The following SI variants were observed in gnomAD, a reference collection of about 807,000 sequenced individuals.
SI encodes sucrase-isomaltase.
SI carries 235 observed loss-of-function variants against 253.3 expected under a neutral mutation model. That is an observed-to-expected ratio of 0.93 (90% CI 0.83 to 1.03). SI has a LOEUF of 1.03. Among genes scored for constraint, SI ranks in the 50% least tolerant of loss-of-function variants. The probability of loss-of-function intolerance (pLI) is 0.00; values close to 1 mark genes in which losing one functional copy is unlikely to be tolerated. For synonymous variants in SI, 819 were observed against 712.0 expected (o/e 1.15, Z -2.39); for missense variants, 2,442 against 2,211.1 (o/e 1.10, Z -2.09).
the SI span, among the ~76,000 whole-genome samples, chr3:165,089,470 A>C: frequency 5.6e-4 from 85 of 152,194 alleles, no homozygotes; most frequent in Non-Finnish European, 1.2e-4. Flanking sequence ...CTGGAAGTGA[A>C]TCTGCCAAAA....
intron 21 of SI, among the ~76,000 whole-genome samples, chr3:165,037,021 G>A (rs533445634): frequency 6.6e-6 from 1 of 151,622 alleles, no homozygotes; most frequent in African/African-American, 2.4e-5. Context: ...TGTATAGGAT[G>A]TATTCCTTCC....
At chr3:165,035,990 A>T (rs1712510223) in intron 22 of SI, among the ~76,000 whole-genome samples, 1 of 151,866 alleles carries the variant, frequency 6.6e-6, no homozygotes, top group African/African-American at 2.4e-5. Flanking sequence ...TTGACATTAA[A>T]TAACTAAATC....
rs532943622 is a variant in SI at position 165,067,273 on chromosome 3, G to C, written c.635+67C>G. 1.1e-4 allele frequency: 137 copies of C among 1,196,018 alleles called. 1 individual carries two copies. Among genetic ancestry groups the C allele is most frequent in the East Asian group, 2.6e-5 (1 of 38,484 alleles). The allele number at this position is 1,196,018 out of a possible 1,614,324, so 74.1% of individuals were successfully genotyped here. A position where few individuals can be genotyped will look rare whatever the true frequency, so the allele number is the denominator to read the frequency against. On this transcript the variant is annotated intron_variant, in intron 6 of 47. Coordinates refer to ENST00000264382, the MANE Select transcript of SI (RefSeq NM_001041.4). ...AATTTATTTCTACTGAAAATGTCTTGAAATTAAGACTTTCCAATTCTATAA... is the reference window on the plus strand; with the variant it reads ...AATTTATTTCTACTGAAAATGTCTTCAAATTAAGACTTTCCAATTCTATAA...
At chr3:165,071,067 T>C (rs1714544541) in intron 3 of SI, among the ~76,000 whole-genome samples, 1 of 152,122 alleles carries the variant, frequency 6.6e-6, no homozygotes, top group Admixed American at 6.6e-5. Context: ...ACGTTAGTCA[T>C]TCGACGCAAG....
chr3:165,052,791 C>A (rs1482004953), intron 13 of SI, among the ~76,000 whole-genome samples: 2 of 151,892 alleles, frequency 1.3e-5, no homozygotes, highest in African/African-American at 4.8e-5. Flanking sequence ...ATATATAGCC[C>A]TATTTTTAAA....
intron 10 of SI, 137 bp downstream of exon 10, chr3:165,059,765 C>G: frequency 1.1e-6 from 1 of 887,316 alleles, no homozygotes; most frequent in Non-Finnish European, 1.8e-6. Flanking sequence ...ATAAAATATA[C>G]TTTACAATTA....
intron 14 of SI, 84 bp downstream of exon 14, chr3:165,049,707 T>G: frequency 2.5e-6 from 2 of 799,910 alleles, no homozygotes; most frequent in South Asian, 3.0e-5. Flanking sequence ...AAATTGTAAT[T>G]TAGAAATATA....
upstream of SI, among the ~76,000 whole-genome samples, chr3:165,081,076 C>A (rs550516161): frequency 2.6e-5 from 4 of 151,584 alleles, no homozygotes; most frequent in Non-Finnish European, 1.5e-5. Context: ...CTCAATCAAT[C>A]GAATAAGGTG....
chr3:165,063,492 T>C lies in SI; in HGVS notation c.857A>G (p.Asp286Gly), dbSNP rs750299089. The C allele has an allele frequency of 6.4e-7, 1 of 1,569,398 alleles. No individual in the cohort carries two copies. The change falls in exon 8 of 48, where the codon GAT becomes GGT. Residue 286 changes from aspartate (D) to glycine (G), a missense_variant. Coordinates refer to ENST00000264382, the MANE Select transcript of SI (RefSeq NM_001041.4). ...GHQTFFMCIE[D>G]TSGKSFGVFL... ...AACACCGAATGACTTTCCAGATGTA[T>C]CTTCAATACACATAAAGAATGTTTG...
intron 33 of SI, 125 bp from the exon 34 acceptor site, chr3:165,013,167 C>A (rs923693054): frequency 6.7e-6 from 5 of 741,718 alleles, no homozygotes; most frequent in Non-Finnish European, 1.2e-5. Flanking sequence ...GATCTGCAAT[C>A]CCTTCAAATC....
At chr3:165,014,815 C>G (rs946574405) in intron 33 of SI, among the ~76,000 whole-genome samples, 17 of 151,994 alleles carry the variant, frequency 1.1e-4, no homozygotes, top group African/African-American at 4.1e-4. Context: ...AAATAACTTG[C>G]AGTACAGAAT....
intron 20 of SI, 75 bp downstream of exon 20, chr3:165,039,003 T>C (rs1156911344): frequency 1.1e-6 from 1 of 908,988 alleles, no homozygotes. Flanking sequence ...TAAGTTTCTA[T>C]GGAATTAAGT....
rs893468495 is a variant in SI, at chr3:165,039,926, C to T, written c.2205G>A (p.Leu735=). The T allele has an allele frequency of 6.2e-7, 1 of 1,613,258 alleles. No homozygotes were observed. The highest frequency in any genetic ancestry group is 8.5e-7 in the Non-Finnish European group (1 of 1,179,552). Residue 735 remains leucine, a synonymous_variant, in exon 19 of 48, where the codon TTG becomes TTA. Transcript: ENST00000264382. ...TNSWIEDTEF[L]WGPALLITPV... ...GAGTAATAAGTAATGCAGGGCCCCA[C>T]AAAAACTCAGTGTCCTCAATCCAGC...
intron 17 of SI, 132 bp from the exon 18 acceptor site, chr3:165,041,226 C>A: frequency 1.4e-6 from 1 of 736,336 alleles, no homozygotes; most frequent in Non-Finnish European, 2.3e-6. Context: ...AAAATTATTC[C>A]TATTTCATCA....
At chr3:165,068,061 T>A (rs1450917324) in intron 5 of SI, among the ~76,000 whole-genome samples, 1 of 151,722 alleles carries the variant, frequency 6.6e-6, no homozygotes, top group African/African-American at 2.4e-5. Context: ...AACTACGTGC[T>A]AAAAAAAAGA....
intron 2 of SI, among the ~76,000 whole-genome samples, chr3:165,075,101 G>A (rs1714865501): frequency 6.6e-6 from 1 of 151,856 alleles, no homozygotes; most frequent in South Asian, 2.1e-4. Flanking sequence ...CCCTTGCAAG[G>A]GAATAATTTG....
intron 46 of SI, 40 bp downstream of exon 46, chr3:164,982,962 A>G (rs777622095): frequency 5.9e-6 from 9 of 1,538,198 alleles, no homozygotes; most frequent in Non-Finnish European, 7.1e-6. Context: ...TGAACTTCAA[A>G]TATTCCTTAA....
At chr3:164,999,164 C>G (rs1479311009) in intron 37 of SI, among the ~76,000 whole-genome samples, 1 of 151,644 alleles carries the variant, frequency 6.6e-6, no homozygotes, top group African/African-American at 2.4e-5. Flanking sequence ...ATTCTCGGGT[C>G]TTAAAACTAA....
At chr3:165,089,612 G>A in the SI span, among the ~76,000 whole-genome samples, 9 of 152,260 alleles carry the variant, frequency 5.9e-5, no homozygotes, top group Non-Finnish European at 1.3e-4. Flanking sequence ...CCAAAGCTTA[G>A]CATTTTAAAC....
Sources: allele counts gnomAD v4.1 joint callset (sites outside exome capture counted in the v4.1 genomes callset), GRCh38; gene constraint gnomAD v4.1.1; transcripts MANE v1.5; gene names NCBI Gene and HGNC (gene_info 2026-07-23, HGNC 2026-07-21).